SCGB2B2: variants seen among roughly 807,000 people sequenced by gnomAD.
SCGB2B2 encodes the protein secretoglobin-like protein.
Under a neutral mutation model 7.6 loss-of-function variants are expected in SCGB2B2, and 11 were observed. The ratio of observed to expected loss-of-function variants is 1.45; its 90% CI spans 0.91 to 2.40. The LOEUF is 2.40. SCGB2B2 is among the 30% of genes most tolerant of loss of function. SCGB2B2 has a pLI of 0.00. For synonymous variants in SCGB2B2, 50 were observed against 48.6 expected (o/e 1.03, Z -0.12); for missense variants, 104 against 115.4 (o/e 0.90, Z 0.45).
intron 1 of SCGB2B2, among the ~76,000 whole-genome samples, chr19:34,672,300 T>C (rs2067823304): frequency 1.3e-5 from 2 of 152,140 alleles, no homozygotes; most frequent in South Asian, 4.1e-4. Context: ...TTGGTTTTAC[T>C]CGTTTTTCTC....
Position 34,613,428 on chromosome 19 carries a change from T to C in SCGB2B2, c.-2031-16834A>G, listed in dbSNP as rs117157029. Among the ~76,000 whole-genome samples the C allele has an allele frequency of 3.7e-3, 565 of 152,334 alleles. 3 individuals carry two copies. The highest frequency in any genetic ancestry group is 6.9e-3 in the Non-Finnish European group (466 of 68,028). Reference sequence around the variant, plus strand: ...TCTCTTCATTTTCAATTGGTATATATCTTTATAGGTGAAGTGAGTTTCTTG... The same window carrying C: ...TCTCTTCATTTTCAATTGGTATATACCTTTATAGGTGAAGTGAGTTTCTTG... On this transcript the variant is annotated intron_variant, in intron 1 of 3. Transcript: ENST00000601241.
At chr19:34,666,253 G>A (rs113925069) in intron 1 of SCGB2B2, among the ~76,000 whole-genome samples, 41 of 152,134 alleles carry the variant, frequency 2.7e-4, no homozygotes, top group Middle Eastern at 3.4e-3. Flanking sequence ...CCACAAGGCC[G>A]GTCCCAGCCA....
intron 1 of SCGB2B2, among the ~76,000 whole-genome samples, chr19:34,669,461 G>A (rs1295912016): frequency 1.3e-5 from 2 of 152,200 alleles, no homozygotes; most frequent in African/African-American, 2.4e-5. Flanking sequence ...CGTGCCAAGT[G>A]CAGACACATG....
At chr19:34,615,421 G>A (rs141009859) in intron 1 of SCGB2B2, among the ~76,000 whole-genome samples, 1 of 149,768 alleles carries the variant, frequency 6.7e-6, no homozygotes, top group African/African-American at 2.4e-5. Flanking sequence ...GTAGGGGATG[G>A]GACAGTGGAG....
At chr19:34,608,175 T>G (rs752829381) in intron 1 of SCGB2B2, among the ~76,000 whole-genome samples, 6 of 152,150 alleles carry the variant, frequency 3.9e-5, no homozygotes, top group Non-Finnish European at 8.8e-5. Flanking sequence ...ATTACACCTC[T>G]TTGGCTAAGT....
At chr19:34,666,563 C>A (rs1021228141) in intron 1 of SCGB2B2, among the ~76,000 whole-genome samples, 11 of 152,120 alleles carry the variant, frequency 7.2e-5, no homozygotes, top group Non-Finnish European at 1.3e-4. Context: ...GCCCACTGGG[C>A]CACCAGAAAC....
Position 34,654,839 on chromosome 19 carries a change from TG to T in SCGB2B2, c.-2032+20790del, listed in dbSNP as rs2067242585. Among the ~76,000 whole-genome samples the T allele has an allele frequency of 2.0e-5, 3 of 151,186 alleles. No individual in the cohort carries two copies. The South Asian group carries it at 6.2e-4, about 31-fold the overall frequency. The stretch of plus-strand genomic sequence containing the variant: ...TGGGCCTTCAATGAGATCACTTTGA[TG>T]TTAACTCTGTTTCCCCCATGGCATG... On this transcript the variant is annotated intron_variant, in intron 1 of 3. Coordinates refer to ENST00000601241, the MANE Select transcript of SCGB2B2 (RefSeq NM_001025591.4).
chr19:34,622,287 T>C (rs191159884), intron 1 of SCGB2B2, among the ~76,000 whole-genome samples: 1 of 152,344 alleles, frequency 6.6e-6, no homozygotes, highest in East Asian at 1.9e-4. Context: ...ATGGGAAGAC[T>C]AAGGGCTGGT....
intron 1 of SCGB2B2, among the ~76,000 whole-genome samples, chr19:34,670,903 G>A (rs1187556611): frequency 1.3e-5 from 2 of 152,166 alleles, no homozygotes; most frequent in African/African-American, 2.4e-5. Flanking sequence ...TACCGTGTGA[G>A]GTTTGGGATC....
intron 1 of SCGB2B2, among the ~76,000 whole-genome samples, chr19:34,601,698 CTTTT>C (rs1376122271): frequency 6.6e-6 from 1 of 152,092 alleles, no homozygotes; most frequent in African/African-American, 2.4e-5. Context: ...TTTAAAAAAA[CTTTT>C]AATATTTTAT....
In SCGB2B2 at chr19:34,594,567, A is replaced by G. The variant is rs1164874555; in HGVS notation, c.-4T>C. ...AGGTGGCGGATGTCACCCTCATGAC[A>G]GCGGAGTCTGGTCCCAGCAGGCACA... On this transcript the variant is annotated 5_prime_UTR_variant, in exon 2 of 4. Coordinates refer to ENST00000601241, the MANE Select transcript of SCGB2B2 (RefSeq NM_001025591.4). 1 of 1,612,352 alleles carries G rather than the reference A, an allele frequency of 6.2e-7. No homozygotes were observed. The highest frequency in any genetic ancestry group is 8.5e-7 in the Non-Finnish European group (1 of 1,179,912).
intron 1 of SCGB2B2, among the ~76,000 whole-genome samples, chr19:34,668,467 C>T (rs1363651215): frequency 6.6e-6 from 1 of 152,176 alleles, no homozygotes; most frequent in Non-Finnish European, 1.5e-5. Context: ...GCCTCCGAGA[C>T]GAGCGCCGCC....
Position 34,616,889 on chromosome 19 carries a change from C to G in SCGB2B2, c.-2031-20295G>C, listed in dbSNP as rs1379751329. 1.1e-4 allele frequency among the ~76,000 whole-genome samples: 16 copies of G among 152,134 alleles called. 1 individual carries two copies. The highest frequency in any genetic ancestry group is 7.2e-4 in the Admixed American group (11 of 15,272). On this transcript the variant is annotated intron_variant, in intron 1 of 3. Transcript: ENST00000601241. ...AAGGTGTAAGGAAGGGATCCAGTTT[C>G]AGCTTTCTACATATGGCTAGCCAGT...
chr19:34,626,520 C>T (rs2066382362), intron 1 of SCGB2B2, among the ~76,000 whole-genome samples: 1 of 151,540 alleles, frequency 6.6e-6, no homozygotes, highest in Admixed American at 6.6e-5. Context: ...GACAGAAGAT[C>T]AAATAAATGA....
At chr19:34,673,912 C>T (rs1048742993) in intron 1 of SCGB2B2, among the ~76,000 whole-genome samples, 1 of 152,170 alleles carries the variant, frequency 6.6e-6, no homozygotes, top group Admixed American at 6.5e-5. Context: ...CTCTTATACT[C>T]CTGCTTCCCT....
intron 1 of SCGB2B2, among the ~76,000 whole-genome samples, chr19:34,628,814 C>T (rs2100607): frequency 0.5 from 76,128 of 151,244 alleles, 20,342 homozygotes; most frequent in African/African-American, 0.64. Flanking sequence ...GACACAACAA[C>T]AAAAAAAAGA....
intron 1 of SCGB2B2, among the ~76,000 whole-genome samples, chr19:34,657,148 T>A (rs1003994203): frequency 1.1e-4 from 16 of 151,284 alleles, no homozygotes; most frequent in African/African-American, 3.9e-4. Context: ...ACTGACACTT[T>A]AAGAGAATGC....
chr19:34,656,724 C>G (rs962823664), intron 1 of SCGB2B2, among the ~76,000 whole-genome samples: 1 of 151,284 alleles, frequency 6.6e-6, no homozygotes, highest in Non-Finnish European at 1.5e-5. Context: ...ATATCAAAAG[C>G]TATCCTTTAG....
At chr19:34,664,297 CT>C (rs1162671457) in intron 1 of SCGB2B2, among the ~76,000 whole-genome samples, 4 of 152,192 alleles carry the variant, frequency 2.6e-5, no homozygotes, top group African/African-American at 9.7e-5. Flanking sequence ...CAAGGCCAGA[CT>C]ACAGTGGGAG....
Sources: gnomAD v4.1 joint callset for allele counts (sites outside exome capture counted in the v4.1 genomes callset) on GRCh38, gnomAD v4.1.1 for gene constraint, MANE v1.5 for transcripts, NCBI Gene and HGNC (gene_info 2026-07-23, HGNC 2026-07-21) for gene names.